The following TRIO variants were observed in gnomAD, a reference collection of about 807,000 sequenced individuals.
TRIO encodes triple functional domain protein.
TRIO carries 58 observed loss-of-function variants against 351.9 expected under a neutral mutation model. The observed-to-expected ratio is 0.16, with a 90% CI of 0.13 to 0.21. The LOEUF is 0.21. Among genes scored for constraint, TRIO ranks in the 10% least tolerant of loss-of-function variants. The pLI is 1.00. For missense variants in TRIO, 3,201 were observed against 4,027.8 expected (o/e 0.79, Z 5.56); for synonymous variants, 1,758 against 1,595.7 (o/e 1.10, Z -2.42).
chr5:14,454,781 T>C (rs1464084855), intron 34 of TRIO, among the ~76,000 whole-genome samples: 1 of 152,206 alleles, frequency 6.6e-6, no homozygotes, highest in Non-Finnish European at 1.5e-5. Flanking sequence ...GGGTTCTTGG[T>C]CTCACTGACT....
chr5:14,365,858 A>G (rs1013920749), intron 15 of TRIO, among the ~76,000 whole-genome samples: 16 of 152,154 alleles, frequency 1.1e-4, no homozygotes, highest in African/African-American at 3.9e-4. Flanking sequence ...AGCTCCAGCC[A>G]TCACCTCCAT....
intron 33 of TRIO, among the ~76,000 whole-genome samples, chr5:14,419,466 C>A (rs1185425048): frequency 1.3e-5 from 2 of 152,122 alleles, no homozygotes; most frequent in African/African-American, 2.4e-5. Context: ...ATTTTATCAC[C>A]ATATTTCATG....
chr5:14,226,803 C>T (rs2152215787), intron 1 of TRIO, among the ~76,000 whole-genome samples: 1 of 152,294 alleles, frequency 6.6e-6, no homozygotes, highest in East Asian at 1.9e-4. Context: ...CCATATCTTC[C>T]CAGGGTTCGG....
chr5:14,452,454 T>C (rs536524906), intron 34 of TRIO, among the ~76,000 whole-genome samples: 2 of 152,328 alleles, frequency 1.3e-5, no homozygotes, highest in South Asian at 2.1e-4. Context: ...AAGGGGGTCA[T>C]TGACTCATAA....
intron 34 of TRIO, among the ~76,000 whole-genome samples, chr5:14,427,940 C>G (rs1750786256): frequency 6.6e-6 from 1 of 152,188 alleles, no homozygotes; most frequent in Admixed American, 6.5e-5. Flanking sequence ...TCCAGCTTTG[C>G]AGAGACCAAG....
intron 11 of TRIO, among the ~76,000 whole-genome samples, chr5:14,355,457 AT>A (rs1374008660): frequency 6.6e-6 from 1 of 152,194 alleles, no homozygotes; most frequent in Non-Finnish European, 1.5e-5. Context: ...GGTGGCATTG[AT>A]ATTCCTAGGA....
Position 14,143,683 on chromosome 5 carries a change from C to A in TRIO, c.-43C>A. The A allele has an allele frequency of 1.0e-6, 1 of 955,130 alleles. No homozygotes were observed. The highest frequency in any genetic ancestry group is 4.8e-5 in the South Asian group (1 of 20,732). 59.2% of individuals were successfully genotyped at this position (955,130 alleles called of 1,614,324 possible). ...AGCGGGCGGCACGCGGCGCTAGGGGCGCGGGGCCCGAGGCGGGCGCGGCCG... is the reference window on the plus strand; with the variant it reads ...AGCGGGCGGCACGCGGCGCTAGGGGAGCGGGGCCCGAGGCGGGCGCGGCCG... On this transcript the variant is annotated 5_prime_UTR_variant, in exon 1 of 57. Coordinates refer to ENST00000344204, the MANE Select transcript of TRIO (RefSeq NM_007118.4).
intron 40 of TRIO, among the ~76,000 whole-genome samples, chr5:14,475,498 T>G (rs1004176167): frequency 7.2e-5 from 11 of 152,228 alleles, no homozygotes; most frequent in African/African-American, 2.4e-4. Context: ...TCAAGTAGTG[T>G]TGTTATTTCT....
At chr5:14,351,963 T>C (rs984265695) in intron 11 of TRIO, among the ~76,000 whole-genome samples, 1 of 152,168 alleles carries the variant, frequency 6.6e-6, no homozygotes, top group Admixed American at 6.5e-5. Flanking sequence ...CCTTTCCAGG[T>C]AGTGAGGAGG....
intron 10 of TRIO, 96 bp from the exon 11 acceptor site, chr5:14,336,440 T>C: frequency 7.9e-7 from 1 of 1,269,132 alleles, no homozygotes; most frequent in Non-Finnish European, 1.1e-6. Context: ...ATCAAAAATA[T>C]CACAAATTGA....
intron 10 of TRIO, among the ~76,000 whole-genome samples, chr5:14,334,555 A>G (rs1358253609): frequency 6.6e-6 from 1 of 152,204 alleles, no homozygotes; most frequent in East Asian, 1.9e-4. Context: ...CTTACCAAAT[A>G]TGAGAAGTCC....
chr5:14,283,763 T>A (rs773703), intron 3 of TRIO, among the ~76,000 whole-genome samples: 35,253 of 151,614 alleles, frequency 0.23, 4,483 homozygotes, highest in African/African-American at 0.32. Flanking sequence ...CTTTTTTTTT[T>A]AAACAAACAA....
chr5:14,463,310 C>G (rs977756653), intron 36 of TRIO, among the ~76,000 whole-genome samples: 1 of 152,216 alleles, frequency 6.6e-6, no homozygotes, highest in African/African-American at 2.4e-5. Flanking sequence ...TTGGCCATCT[C>G]CCCTCTGTGA....
chr5:14,464,125 T>C (rs1209653600), intron 36 of TRIO, among the ~76,000 whole-genome samples: 1 of 152,148 alleles, frequency 6.6e-6, no homozygotes, highest in Non-Finnish European at 1.5e-5. Flanking sequence ...CACAGCCCCC[T>C]ACCCCACCCA....
Position 14,487,760 on chromosome 5 carries a change from C to G in TRIO, c.7132C>G (p.Pro2378Ala), listed in dbSNP as rs892376440. ...GTSTPGPSLPPPGAAPEAGPS... is the reference protein window; with the variant it reads ...GTSTPGPSLPAPGAAPEAGPS... ...GTCCACCCCCGGGCCCTCCCTGCCT[C>G]CCCCTGGCGCGGCCCCCGAGGCCGG... Residue 2378 changes from proline (P) to alanine (A), a missense_variant, in exon 48 of 57, where the codon CCC (proline) becomes GCC (alanine). This residue lies in a region of TRIO where 1,089 missense variants were observed against 954.9 expected (regional missense o/e 1.14). Coordinates refer to ENST00000344204, the MANE Select transcript of TRIO (RefSeq NM_007118.4). 2.2e-6 allele frequency: 3 copies of G among 1,380,840 alleles called. No homozygotes were observed. The highest frequency in any genetic ancestry group is 2.8e-6 in the Non-Finnish European group (3 of 1,063,510). The allele number at this position is 1,380,840 out of a possible 1,614,324, so 85.5% of individuals were successfully genotyped here.
intron 53 of TRIO, among the ~76,000 whole-genome samples, chr5:14,500,932 G>A (rs1225713304): frequency 1.3e-5 from 2 of 148,300 alleles, no homozygotes; most frequent in Non-Finnish European, 3.0e-5. Flanking sequence ...GAAAAAGAAA[G>A]GTGTGTTTTA....
At chr5:14,173,446 A>G (rs1211675383) in intron 1 of TRIO, among the ~76,000 whole-genome samples, 2 of 152,066 alleles carry the variant, frequency 1.3e-5, no homozygotes, top group East Asian at 1.9e-4. Flanking sequence ...TCCTGACCTC[A>G]GGTGATCCGC....
chr5:14,247,422 T>A (rs1794502012), intron 1 of TRIO, among the ~76,000 whole-genome samples: 1 of 152,254 alleles, frequency 6.6e-6, no homozygotes, highest in Non-Finnish European at 1.5e-5. Context: ...AAATGAAGTC[T>A]TACTAATTCG....
At chr5:14,352,346 A>G (rs1051293367) in intron 11 of TRIO, among the ~76,000 whole-genome samples, 5 of 152,212 alleles carry the variant, frequency 3.3e-5, no homozygotes, top group Non-Finnish European at 5.9e-5. Flanking sequence ...ACTGCTGTGA[A>G]CTTCCATAGG....
Sources: allele counts gnomAD v4.1 joint callset (sites outside exome capture counted in the v4.1 genomes callset), GRCh38; gene constraint gnomAD v4.1.1; regional missense constraint gnomAD v4.1.1; transcripts MANE v1.5; gene names NCBI Gene and HGNC (gene_info 2026-07-23, HGNC 2026-07-21).